Variants in LAPTM4B observed in about 807,000 individuals in gnomAD.
LAPTM4B encodes lysosomal-associated transmembrane protein 4B.
In LAPTM4B, 26 loss-of-function variants were observed where a neutral mutation model predicts 28.5. The observed-to-expected ratio is 0.91, with a 90% CI of 0.67 to 1.27. The LOEUF is 1.27. Ranked by LOEUF, LAPTM4B falls within the 50% of genes most tolerant of loss-of-function variation. The probability of loss-of-function intolerance (pLI) is 0.00; values close to 1 mark genes in which losing one functional copy is unlikely to be tolerated. For synonymous variants in LAPTM4B, 109 were observed against 106.4 expected, an observed-to-expected ratio of 1.02 and a Z score of -0.15; for missense variants, 288 against 285.8, an observed-to-expected ratio of 1.01 and a Z score of -0.06.
intron 6 of LAPTM4B, 55 bp from the exon 7 acceptor site, chr8:97,851,342 G>C (rs73274259): frequency 1.0e-5 from 14 of 1,382,748 alleles, no homozygotes; most frequent in Non-Finnish European, 1.3e-5. Context: ...GCTAAACCTC[G>C]GGGAACGTGT....
chr8:97,819,828 G>A (rs986071115), intron 5 of LAPTM4B, among the ~76,000 whole-genome samples: 2 of 143,088 alleles, frequency 1.4e-5, no homozygotes, highest in Non-Finnish European at 1.5e-5. Flanking sequence ...TTCGCCTCCC[G>A]GCTTCACGCC....
At chr8:97,850,520 C>G (rs1303216980) in intron 6 of LAPTM4B, among the ~76,000 whole-genome samples, 2 of 85,532 alleles carry the variant, frequency 2.3e-5, no homozygotes, top group Admixed American at 9.8e-5. Context: ...AAAAACTTAA[C>G]AAAATTTTAG....
At chr8:97,808,816 C>G (rs1275920691) in intron 2 of LAPTM4B, among the ~76,000 whole-genome samples, 2 of 151,824 alleles carry the variant, frequency 1.3e-5, no homozygotes, top group African/African-American at 4.8e-5. Context: ...AAAAAAGTAG[C>G]CAGGTGTGGT....
At chr8:97,819,259 T>A in intron 5 of LAPTM4B, 21 bp downstream of exon 5, 1 of 1,418,872 alleles carries the variant, frequency 7.0e-7, no homozygotes, top group Non-Finnish European at 9.9e-7. Context: ...AGATTTTACT[T>A]ATAGTCTAAA....
At chr8:97,832,613 G>A (rs1331706242) in intron 6 of LAPTM4B, among the ~76,000 whole-genome samples, 2 of 152,110 alleles carry the variant, frequency 1.3e-5, no homozygotes, top group East Asian at 3.9e-4. Flanking sequence ...AATCCACTCC[G>A]AAATATCAGG....
At chr8:97,806,034 C>T (rs1482392793) in intron 2 of LAPTM4B, among the ~76,000 whole-genome samples, 1 of 152,132 alleles carries the variant, frequency 6.6e-6, no homozygotes, top group East Asian at 1.9e-4. Flanking sequence ...TAGTGCTGTG[C>T]ATAATCTCCA....
At chr8:97,843,220 C>A (rs1817379355) in intron 6 of LAPTM4B, among the ~76,000 whole-genome samples, 1 of 152,116 alleles carries the variant, frequency 6.6e-6, no homozygotes, top group Non-Finnish European at 1.5e-5. Context: ...TTGGCCGGGC[C>A]ATCCGAGACC....
rs546425169 is a variant in LAPTM4B, at chr8:97,800,484, C to CTTTTTTTTTT, written c.100-4851_100-4842dup. Among the ~76,000 whole-genome samples the CTTTTTTTTTT allele has an allele frequency of 5.9e-4, 41 of 69,320 alleles. 5 individuals carry two copies. Among genetic ancestry groups the CTTTTTTTTTT allele is most frequent in the African/African-American group, 2.7e-3 (36 of 13,386 alleles). 45.5% of individuals were successfully genotyped at this position (69,320 alleles called of 152,430 possible). ...CTTCTGTAATATTACCCCTTGACCT[C>CTTTTTTTTTT]TTTTTTTTTTTTTTTTTTTTTTTTT... On this transcript the variant is annotated intron_variant, in intron 1 of 6. Transcript: ENST00000521545.
chr8:97,820,037 G>C (rs1201739693), intron 5 of LAPTM4B, among the ~76,000 whole-genome samples: 1 of 152,088 alleles, frequency 6.6e-6, no homozygotes, highest in Non-Finnish European at 1.5e-5. Flanking sequence ...CCGGCTTCAA[G>C]ATAAATTTCT....
At chr8:97,842,152 G>A (rs900004716) in intron 6 of LAPTM4B, among the ~76,000 whole-genome samples, 1 of 152,180 alleles carries the variant, frequency 6.6e-6, no homozygotes, top group Non-Finnish European at 1.5e-5. Flanking sequence ...AATGAATGTG[G>A]CTAAGTCCCG....
chr8:97,820,339 G>C (rs1049786723), intron 5 of LAPTM4B, among the ~76,000 whole-genome samples: 5 of 121,258 alleles, frequency 4.1e-5, no homozygotes, highest in Non-Finnish European at 6.5e-5. Flanking sequence ...GTCTCTCCCT[G>C]TAGTCTAGGC....
intron 6 of LAPTM4B, among the ~76,000 whole-genome samples, chr8:97,828,702 G>T (rs1334031152): frequency 6.6e-6 from 1 of 152,144 alleles, no homozygotes; most frequent in Non-Finnish European, 1.5e-5. Flanking sequence ...GGACAACTGC[G>T]GCTAAGGAAT....
At chr8:97,817,642 G>A (rs1392826988) in intron 4 of LAPTM4B, among the ~76,000 whole-genome samples, 1 of 151,886 alleles carries the variant, frequency 6.6e-6, no homozygotes, top group Non-Finnish European at 1.5e-5. Flanking sequence ...TAGAGATGGG[G>A]TTTCACCATC....
At position 97,811,003 on chromosome 8, in the gene LAPTM4B, A is replaced by G. The variant is rs557630091; in HGVS notation, c.212-4325A>G. 3.5e-4 allele frequency among the ~76,000 whole-genome samples: 53 copies of G among 152,358 alleles called. 2 individuals carry two copies. In the South Asian group the frequency reaches 0.011, roughly 32 times the overall value. ...ACACCTCACAAAAGAAGATATCCAT[A>G]AGAGAATATTCTCCACATTGCAAGT... On this transcript the variant is annotated intron_variant, in intron 2 of 6. Transcript: ENST00000521545.
chr8:97,777,822 ATAG>A (rs1296297837), intron 1 of LAPTM4B, among the ~76,000 whole-genome samples: 11 of 152,252 alleles, frequency 7.2e-5, no homozygotes, highest in Admixed American at 7.2e-4. Context: ...TAGCAAAAGG[ATAG>A]TAGGTGGCTC....
At chr8:97,804,859 T>C (rs1326457344) in intron 1 of LAPTM4B, among the ~76,000 whole-genome samples, 2 of 152,210 alleles carry the variant, frequency 1.3e-5, no homozygotes, top group East Asian at 1.9e-4. Flanking sequence ...GGATCCACTA[T>C]GTAGCTTTGC....
chr8:97,782,328 G>A (rs1431010822), intron 1 of LAPTM4B, among the ~76,000 whole-genome samples: 1 of 95,472 alleles, frequency 1.0e-5, no homozygotes, highest in South Asian at 4.2e-4. Flanking sequence ...TCACTCTATT[G>A]CCCAGGCTGG....
intron 6 of LAPTM4B, among the ~76,000 whole-genome samples, chr8:97,831,171 T>A (rs951638053): frequency 3.3e-5 from 5 of 152,168 alleles, no homozygotes; most frequent in African/African-American, 9.7e-5. Context: ...ACTGAGGGCT[T>A]GGGAAACTGC....
At chr8:97,832,687 T>TTTCATTTTAC (rs1563619353) in intron 6 of LAPTM4B, among the ~76,000 whole-genome samples, 1 of 95,436 alleles carries the variant, frequency 1.0e-5, no homozygotes, top group African/African-American at 3.4e-5. Context: ...TTTTATTTTA[T>TTTCATTTTAC]TTTATTTTAT....
Sources: allele counts gnomAD v4.1 joint callset (sites outside exome capture counted in the v4.1 genomes callset), GRCh38; gene constraint gnomAD v4.1.1; transcripts MANE v1.5; gene names NCBI Gene and HGNC (gene_info 2026-07-23, HGNC 2026-07-21).